Variants in VPS26A observed in about 807,000 individuals in gnomAD.
VPS26A encodes vacuolar protein sorting-associated protein 26A.
A neutral mutation model predicts 42.4 loss-of-function variants in VPS26A; 22 were observed. That is an observed-to-expected ratio of 0.52 (90% CI 0.37 to 0.74). The LOEUF is 0.74. VPS26A is among the 30% of genes least tolerant of loss of function. The pLI is 0.00. For synonymous variants in VPS26A, 110 were observed against 123.5 expected, an observed-to-expected ratio of 0.89 and a Z score of 0.73; for missense variants, 276 against 379.2, an observed-to-expected ratio of 0.73 and a Z score of 2.26.
chr10:69,159,745 C>T (rs953417383), intron 5 of VPS26A, among the ~76,000 whole-genome samples: 2 of 152,184 alleles, frequency 1.3e-5, no homozygotes, highest in Admixed American at 1.3e-4. Context: ...TTAATATCTT[C>T]ATACACCCAG....
rs531402462 is a variant in VPS26A at position 69,124,307 on chromosome 10, G to C, written c.3+27G>C. ...TGAGTGCGCGGCGGCCAGCGCGCTC[G>C]CCTCCCGCCCTCGTCCCGGAGCGCG... On this transcript the variant is annotated intron_variant, in intron 1 of 8. Transcript: ENST00000263559. 27 of 1,245,946 alleles carry C rather than the reference G, an allele frequency of 2.2e-5. No homozygotes were observed. The African/African-American group carries it at 3.9e-4, about 18-fold the overall frequency. 77.2% of individuals were successfully genotyped at this position (1,245,946 alleles called of 1,614,324 possible).
chr10:69,160,393 C>A (rs1301734552), intron 5 of VPS26A, among the ~76,000 whole-genome samples: 2 of 151,800 alleles, frequency 1.3e-5, no homozygotes, highest in African/African-American at 4.8e-5. Context: ...CTCCTGACCT[C>A]ATGATCCACC....
At chr10:69,168,664 G>A (rs772166216) in intron 8 of VPS26A, 33 bp downstream of exon 8, 2 of 1,601,126 alleles carry the variant, frequency 1.2e-6, no homozygotes, top group Non-Finnish European at 1.7e-6. Flanking sequence ...ATTATGTTCT[G>A]CGGCAGATCT....
intron 2 of VPS26A, among the ~76,000 whole-genome samples, chr10:69,144,498 T>TAGAC (rs1841112333): frequency 6.6e-6 from 1 of 152,210 alleles, no homozygotes; most frequent in Non-Finnish European, 1.5e-5. Context: ...AATTTTGTCT[T>TAGAC]TTCTAGAATG....
At chr10:69,151,932 A>T (rs2132220079) in intron 2 of VPS26A, among the ~76,000 whole-genome samples, 1 of 152,320 alleles carries the variant, frequency 6.6e-6, no homozygotes, top group South Asian at 2.1e-4. Context: ...TCAAATATAA[A>T]ATTTTTAATG....
At chr10:69,152,894 T>G (rs1398532797) in intron 2 of VPS26A, among the ~76,000 whole-genome samples, 4 of 150,494 alleles carry the variant, frequency 2.7e-5, no homozygotes, top group Admixed American at 6.6e-5. Context: ...GGCATGAACC[T>G]GGAAGGCAGA....
intron 8 of VPS26A, among the ~76,000 whole-genome samples, chr10:69,168,864 C>T (rs1841751666): frequency 6.6e-6 from 1 of 152,128 alleles, no homozygotes; most frequent in Non-Finnish European, 1.5e-5. Flanking sequence ...TTAGTTTTCT[C>T]TTACAAGTTC....
At chr10:69,135,466 G>A (rs1274268672) in intron 2 of VPS26A, among the ~76,000 whole-genome samples, 2 of 152,118 alleles carry the variant, frequency 1.3e-5, no homozygotes, top group Admixed American at 1.3e-4. Context: ...TTTGATCCTG[G>A]GTGTGGTGGC....
intron 2 of VPS26A, among the ~76,000 whole-genome samples, chr10:69,145,490 C>T (rs1841136690): frequency 6.6e-6 from 1 of 152,086 alleles, no homozygotes; most frequent in Non-Finnish European, 1.5e-5. Flanking sequence ...CCATCCTTTT[C>T]CACTGCACTG....
chr10:69,137,387 C>T (rs932303221), intron 2 of VPS26A, among the ~76,000 whole-genome samples: 19 of 152,164 alleles, frequency 1.2e-4, no homozygotes, highest in East Asian at 9.6e-4. Flanking sequence ...GTTGCAGTCT[C>T]GTCTGAAGTT....
At chr10:69,124,702 C>G (rs762453276) in intron 1 of VPS26A, among the ~76,000 whole-genome samples, 2 of 152,242 alleles carry the variant, frequency 1.3e-5, no homozygotes, top group Non-Finnish European at 2.9e-5. Context: ...CTTCGGGGGA[C>G]TTGGGCACTC....
chr10:69,150,481 C>T (rs965915309), intron 2 of VPS26A, among the ~76,000 whole-genome samples: 2 of 152,166 alleles, frequency 1.3e-5, no homozygotes, highest in Non-Finnish European at 2.9e-5. Flanking sequence ...ACTGCAAGCT[C>T]CACCTCCTGG....
chr10:69,157,912 A>G, intron 4 of VPS26A, 135 bp from the exon 5 acceptor site: 1 of 669,042 alleles, frequency 1.5e-6, no homozygotes, highest in South Asian at 2.7e-5. Flanking sequence ...TCCTTCGTGA[A>G]GTAATGAAGT....
chr10:69,124,342 G>A, intron 1 of VPS26A, 62 bp downstream of exon 1: 1 of 1,229,006 alleles, frequency 8.1e-7, no homozygotes, highest in South Asian at 4.1e-5. Flanking sequence ...GCGGCGGGCC[G>A]GCCAACCGCG....
intron 5 of VPS26A, 107 bp downstream of exon 5, chr10:69,158,318 T>A: frequency 2.1e-6 from 2 of 961,072 alleles, no homozygotes; most frequent in Non-Finnish European, 2.9e-6. Flanking sequence ...AATCTGATGT[T>A]AACAAATCAA....
At chr10:69,127,834 C>A (rs1445893664) in intron 1 of VPS26A, among the ~76,000 whole-genome samples, 7 of 146,846 alleles carry the variant, frequency 4.8e-5, no homozygotes, top group African/African-American at 1.5e-4. Flanking sequence ...GTAGCTGGGA[C>A]TGCAGGCACA....
intron 1 of VPS26A, among the ~76,000 whole-genome samples, chr10:69,130,072 T>C (rs1156636379): frequency 1.3e-5 from 2 of 152,238 alleles, no homozygotes; most frequent in Admixed American, 1.3e-4. Context: ...ATACCAATGC[T>C]AATTTGCTCA....
chr10:69,125,275 TCAAAACAAAA>T (rs151048420), intron 1 of VPS26A, among the ~76,000 whole-genome samples: 1 of 152,174 alleles, frequency 6.6e-6, no homozygotes, highest in African/African-American at 2.4e-5. Context: ...GATGTTGCTT[TCAAAACAAAA>T]CAAAACAAAA....
At chr10:69,142,742 A>G (rs1841071901) in intron 2 of VPS26A, among the ~76,000 whole-genome samples, 2 of 151,426 alleles carry the variant, frequency 1.3e-5, no homozygotes, top group African/African-American at 4.8e-5. Flanking sequence ...ACTATTCAAA[A>G]AAAAAAAAAA....
Sources: gnomAD v4.1 joint callset for allele counts (sites outside exome capture counted in the v4.1 genomes callset) on GRCh38, gnomAD v4.1.1 for gene constraint, MANE v1.5 for transcripts, NCBI Gene and HGNC (gene_info 2026-07-23, HGNC 2026-07-21) for gene names.